ANK3: variants seen among roughly 807,000 people sequenced by gnomAD.
The protein encoded by ANK3 is ankyrin 3.
In ANK3, 57 loss-of-function variants were observed where a neutral mutation model predicts 370.9. That is an observed-to-expected ratio of 0.15 (90% CI 0.12 to 0.19). ANK3 has a LOEUF of 0.19. Among genes scored for constraint, ANK3 ranks in the 10% least tolerant of loss-of-function variants. ANK3 has a pLI of 1.00. For missense variants in ANK3, 4,439 were observed against 5,302.1 expected (o/e 0.84, Z 5.06); for synonymous variants, 1,929 against 1,946.3 (o/e 0.99, Z 0.23).
intron 1 of ANK3, among the ~76,000 whole-genome samples, chr10:60,364,302 A>G (rs1053679109): frequency 1.3e-5 from 2 of 152,046 alleles, no homozygotes; most frequent in African/African-American, 4.8e-5. Flanking sequence ...TCAAAAAAAA[A>G]AAAAGAGAAA....
At chr10:60,057,341 G>A (rs1042889779) in intron 41 of ANK3, among the ~76,000 whole-genome samples, 1 of 151,970 alleles carries the variant, frequency 6.6e-6, no homozygotes, top group African/African-American at 2.4e-5. Flanking sequence ...TTTGTAGCTT[G>A]CGTATTATTT....
intron 2 of ANK3, among the ~76,000 whole-genome samples, chr10:60,469,088 TATATATAC>T (rs1567066512): frequency 1.5e-4 from 6 of 39,860 alleles, no homozygotes; most frequent in Admixed American, 3.4e-4. Context: ...TATATATATA[TATATATAC>T]CACTTTTAGT....
intron 7 of ANK3, among the ~76,000 whole-genome samples, chr10:60,240,301 TA>T (rs1164763219): frequency 0.04 from 4,024 of 99,540 alleles, 300 homozygotes; most frequent in African/African-American, 0.13. Context: ...TATATATATA[TA>T]TATATTTTTT....
intron 8 of ANK3, among the ~76,000 whole-genome samples, chr10:60,221,441 A>G (rs767703111): frequency 6.6e-6 from 1 of 152,170 alleles, no homozygotes; most frequent in Non-Finnish European, 1.5e-5. Flanking sequence ...TTGCAGATTA[A>G]CATAGACAGA....
intron 1 of ANK3, among the ~76,000 whole-genome samples, chr10:60,329,817 T>A (rs2050780975): frequency 6.6e-6 from 1 of 152,108 alleles, no homozygotes; most frequent in African/African-American, 2.4e-5. Context: ...AAAAAGAGCC[T>A]GTATAGCCAA....
At chr10:60,208,876 G>A (rs1459194749) in intron 9 of ANK3, among the ~76,000 whole-genome samples, 2 of 152,174 alleles carry the variant, frequency 1.3e-5, no homozygotes, top group Non-Finnish European at 2.9e-5. Context: ...GTGCCCCCAT[G>A]TGTCTATGAT....
chr10:60,181,488 GT>G (rs1229886526), intron 17 of ANK3, 61 bp from the exon 18 acceptor site: 3 of 1,453,114 alleles, frequency 2.1e-6, no homozygotes, highest in African/African-American at 2.8e-5. Context: ...ACATAGCCAT[GT>G]TTGAGAAACC....
chr10:60,478,594 A>G (rs1310104305), intron 2 of ANK3, among the ~76,000 whole-genome samples: 1 of 152,140 alleles, frequency 6.6e-6, no homozygotes, highest in Non-Finnish European at 1.5e-5. Flanking sequence ...CAAGAAAGAT[A>G]TAAATTTCTG....
At chr10:60,043,751 G>T in intron 42 of ANK3, 1 of 985,452 alleles carries the variant, frequency 1.0e-6, no homozygotes, top group Non-Finnish European at 1.2e-6. Flanking sequence ...CAAGCCCTGG[G>T]TGGGGCTGAA....
chr10:60,294,708 C>A (rs1484959190), intron 1 of ANK3, among the ~76,000 whole-genome samples: 1 of 152,080 alleles, frequency 6.6e-6, no homozygotes, highest in South Asian at 2.1e-4. Flanking sequence ...GGTTAGCTCA[C>A]TAGAGAAGTC....
At chr10:60,245,147 C>T (rs577052834) in intron 7 of ANK3, among the ~76,000 whole-genome samples, 28 of 151,372 alleles carry the variant, frequency 1.8e-4, no homozygotes, top group Non-Finnish European at 3.2e-4. Flanking sequence ...CCAGCCTGGG[C>T]GACAGAGCGA....
At chr10:60,203,715 G>A (rs956154107) in intron 11 of ANK3, among the ~76,000 whole-genome samples, 1 of 152,134 alleles carries the variant, frequency 6.6e-6, no homozygotes, top group African/African-American at 2.4e-5. Context: ...GACTTGAATT[G>A]CTTCAGATCC....
intron 12 of ANK3, among the ~76,000 whole-genome samples, chr10:60,201,846 G>GA (rs2096681738): frequency 1.3e-5 from 2 of 151,700 alleles, no homozygotes; most frequent in South Asian, 2.1e-4. Context: ...TGAGTAGTTG[G>GA]AATTACATGC....
Position 60,181,410 on chromosome 10 carries a change from G to A in ANK3, c.2103C>T (p.Leu701=), listed in dbSNP as rs142415903. Residue 701 remains leucine, a synonymous_variant, in exon 18 of 44, where the codon CTC becomes CTT. Coordinates refer to ENST00000280772, the MANE Select transcript of ANK3 (RefSeq NM_020987.5). ...CTCGATCTTCTTGAGCAGCCAAATGGAGTGGGGTCAGGCCGCTCTGCAAAA... is the reference window on the plus strand; with the variant it reads ...CTCGATCTTCTTGAGCAGCCAAATGAAGTGGGGTCAGGCCGCTCTGCAAAA... The part of the protein sequence containing the change: ...NLSNKSGLTP[L]HLAAQEDRVN... 5,599 of 1,614,160 alleles carry A rather than the reference G, an allele frequency of 3.5e-3. 17 individuals are homozygous for A. The highest frequency in any genetic ancestry group is 4.1e-3 in the Non-Finnish European group (4,783 of 1,180,002).
At chr10:60,264,483 T>TA (rs1463643118) in intron 5 of ANK3, among the ~76,000 whole-genome samples, 2 of 151,844 alleles carry the variant, frequency 1.3e-5, no homozygotes, top group African/African-American at 4.8e-5. Flanking sequence ...CCGTCTCTAC[T>TA]AAAAATACAA....
rs1254000030 is a variant in ANK3 at position 60,063,064 on chromosome 10, A to C, written c.12595+47T>G. On this transcript the variant is annotated intron_variant, in intron 40 of 43. Transcript: ENST00000280772. Reference sequence around the variant, plus strand: ...GACTGCCTTGTCTGACTGCACTTTCAAATTTTATCAAATGATTAAATAAAT... The same window carrying C: ...GACTGCCTTGTCTGACTGCACTTTCCAATTTTATCAAATGATTAAATAAAT... The C allele has an allele frequency of 4.5e-6, 7 of 1,568,544 alleles. No homozygotes were observed. In the Admixed American group the frequency reaches 9.0e-5, roughly 20 times the overall value.
intron 8 of ANK3, among the ~76,000 whole-genome samples, chr10:60,218,097 C>CTTTTT (rs199989242): frequency 3.1e-4 from 39 of 126,132 alleles, no homozygotes; most frequent in African/African-American, 6.7e-4. Flanking sequence ...CTTTTTCTTT[C>CTTTTT]TTTTTTTTTT....
chr10:60,481,178 T>C (rs973792420), intron 2 of ANK3, among the ~76,000 whole-genome samples: 1 of 152,196 alleles, frequency 6.6e-6, no homozygotes. Context: ...CAACAGAGGA[T>C]ACTGTTTGTC....
chr10:60,437,540 G>A (rs55693713), intron 2 of ANK3, among the ~76,000 whole-genome samples: 13 of 152,318 alleles, frequency 8.5e-5, no homozygotes, highest in Non-Finnish European at 1.6e-4. Context: ...TGGCACTGAA[G>A]AGGGACTTAA....
Sources: allele counts gnomAD v4.1 joint callset (sites outside exome capture counted in the v4.1 genomes callset), GRCh38; gene constraint gnomAD v4.1.1; transcripts MANE v1.5; gene names NCBI Gene and HGNC (gene_info 2026-07-23, HGNC 2026-07-21).